Variants in LRMDA observed in about 807,000 individuals in gnomAD.
LRMDA encodes the protein leucine rich melanocyte differentiation associated.
LRMDA carries 18 observed loss-of-function variants against 29.8 expected under a neutral mutation model. The ratio of observed to expected loss-of-function variants is 0.60; its 90% CI spans 0.42 to 0.90. LRMDA has a LOEUF of 0.90. Among genes scored for constraint, LRMDA ranks in the 40% least tolerant of loss-of-function variants. The probability of loss-of-function intolerance (pLI) is 0.00; values close to 1 mark genes in which losing one functional copy is unlikely to be tolerated. For missense variants in LRMDA, 273 were observed against 273.9 expected, an observed-to-expected ratio of 1.00 and a Z score of 0.02; for synonymous variants, 125 against 109.4, an observed-to-expected ratio of 1.14 and a Z score of -0.89.
intron 2 of LRMDA, among the ~76,000 whole-genome samples, chr10:75,957,378 A>C (rs1384851173): frequency 1.3e-5 from 2 of 152,242 alleles, no homozygotes; most frequent in East Asian, 3.9e-4. Context: ...TCTTTGTTAC[A>C]GACAACAATG....
chr10:76,500,875 C>G lies in LRMDA; in HGVS notation c.602-56334C>G, dbSNP rs1413593829. 2.7e-5 allele frequency among the ~76,000 whole-genome samples: 2 copies of G among 73,416 alleles called. 1 individual carries two copies. The highest frequency in any genetic ancestry group is 9.0e-5 in the Non-Finnish European group (2 of 22,270). 48.2% of individuals were successfully genotyped at this position (73,416 alleles called of 152,430 possible). The stretch of plus-strand genomic sequence containing the variant: ...TTTTTTAAAAAAAAAATAAAAGTAA[C>G]TTCAACATTTATTTTAGATTCAGAG... On this transcript the variant is annotated intron_variant, in intron 6 of 6. Coordinates refer to ENST00000611255, the MANE Select transcript of LRMDA (RefSeq NM_001305581.2).
intron 2 of LRMDA, among the ~76,000 whole-genome samples, chr10:75,987,576 A>G: frequency 6.6e-6 from 1 of 152,212 alleles, no homozygotes; most frequent in East Asian, 1.9e-4. Flanking sequence ...ATCCTGTATT[A>G]TGGTTAGTGG....
intron 2 of LRMDA, among the ~76,000 whole-genome samples, chr10:75,765,737 G>A (rs1462753941): frequency 6.6e-6 from 1 of 152,014 alleles, no homozygotes; most frequent in Non-Finnish European, 1.5e-5. Flanking sequence ...AAGCTCACGT[G>A]CAGAATGAAA....
intron 2 of LRMDA, among the ~76,000 whole-genome samples, chr10:75,859,608 C>CACACACAT (rs1844885631): frequency 1.4e-5 from 2 of 142,926 alleles, no homozygotes; most frequent in African/African-American, 5.6e-5. Flanking sequence ...CATACACACA[C>CACACACAT]ACACACACAC....
At chr10:76,266,777 A>T (rs1840011035) in intron 5 of LRMDA, among the ~76,000 whole-genome samples, 1 of 152,164 alleles carries the variant, frequency 6.6e-6, no homozygotes, top group Non-Finnish European at 1.5e-5. Context: ...AGTTTTGAGA[A>T]ATGCCCTAGT....
chr10:76,389,080 TTATG>T (rs564923019), intron 6 of LRMDA, among the ~76,000 whole-genome samples: 179 of 152,106 alleles, frequency 1.2e-3, no homozygotes, highest in Non-Finnish European at 2.1e-3. Context: ...CTAAACTGAG[TTATG>T]AAGGATTAAC....
At chr10:75,828,574 CTGGAAGTTGCAAGGCATATATATT>C (rs1156662013) in intron 2 of LRMDA, among the ~76,000 whole-genome samples, 1 of 152,060 alleles carries the variant, frequency 6.6e-6, no homozygotes, top group East Asian at 1.9e-4. Context: ...CTTTTGTGGC[CTGGAAGTTGCAAGGCATATATATT>C]TGGAAGACTA....
rs918572783 is a variant in LRMDA, at chr10:75,516,174, T to C, written c.131+77680T>C. ...GTGCTGCAATAAACATATGTGTGCA[T>C]GTGTCTTTATAGTAGCATGATTTAT... On this transcript the variant is annotated intron_variant, in intron 2 of 6. Coordinates refer to ENST00000611255, the MANE Select transcript of LRMDA (RefSeq NM_001305581.2). Among the ~76,000 whole-genome samples, 20 of 152,244 alleles carry C rather than the reference T, an allele frequency of 1.3e-4. 1 individual carries two copies. Among genetic ancestry groups the C allele is most frequent in the Non-Finnish European group, 2.4e-4 (16 of 68,032 alleles).
intron 5 of LRMDA, among the ~76,000 whole-genome samples, chr10:76,190,835 G>T (rs1201019489): frequency 6.6e-6 from 1 of 152,208 alleles, no homozygotes; most frequent in African/African-American, 2.4e-5. Flanking sequence ...GGGATTGGTT[G>T]CCTGAAGGGA....
At chr10:75,803,064 C>T (rs1430395041) in intron 2 of LRMDA, among the ~76,000 whole-genome samples, 5 of 151,528 alleles carry the variant, frequency 3.3e-5, no homozygotes, top group Admixed American at 3.3e-4. Flanking sequence ...TGAGGACTAA[C>T]CAAATGTTCT....
chr10:76,066,474 C>T (rs1848787889), intron 5 of LRMDA, among the ~76,000 whole-genome samples: 1 of 151,882 alleles, frequency 6.6e-6, no homozygotes, highest in Non-Finnish European at 1.5e-5. Context: ...CTTTTTTTCC[C>T]CCGGGTCTTC....
At chr10:76,434,759 AT>A (rs1294901252) in intron 6 of LRMDA, among the ~76,000 whole-genome samples, 1 of 152,216 alleles carries the variant, frequency 6.6e-6, no homozygotes, top group African/African-American at 2.4e-5. Context: ...CCAGTGCTGG[AT>A]GGTAAGTGAT....
intron 2 of LRMDA, among the ~76,000 whole-genome samples, chr10:75,756,150 C>T (rs1454752960): frequency 6.6e-6 from 1 of 152,222 alleles, no homozygotes; most frequent in Non-Finnish European, 1.5e-5. Context: ...TATCCATTCT[C>T]TTCAACGTTT....
At chr10:76,038,345 T>C (rs1366964953) in intron 3 of LRMDA, among the ~76,000 whole-genome samples, 1 of 152,218 alleles carries the variant, frequency 6.6e-6, no homozygotes, top group Non-Finnish European at 1.5e-5. Flanking sequence ...TTTGGTTGAG[T>C]CCTTTCCCTA....
chr10:76,081,305 A>G (rs761968262), intron 5 of LRMDA, among the ~76,000 whole-genome samples: 1 of 152,114 alleles, frequency 6.6e-6, no homozygotes, highest in Non-Finnish European at 1.5e-5. Flanking sequence ...GCAAAATCCT[A>G]TCTATAAAAA....
chr10:76,271,307 C>T (rs1018396598), intron 5 of LRMDA, among the ~76,000 whole-genome samples: 3 of 152,004 alleles, frequency 2.0e-5, no homozygotes, highest in Non-Finnish European at 4.4e-5. Flanking sequence ...ACTTGGGAGG[C>T]TGAGGTGGGA....
chr10:76,100,170 GTAATAT>G, intron 5 of LRMDA, among the ~76,000 whole-genome samples: 2 of 152,258 alleles, frequency 1.3e-5, no homozygotes, highest in African/African-American at 4.8e-5. Flanking sequence ...TCATCATTAT[GTAATAT>G]TCTTCTTTAT....
intron 2 of LRMDA, among the ~76,000 whole-genome samples, chr10:75,475,123 C>A (rs868092267): frequency 6.6e-6 from 1 of 152,166 alleles, no homozygotes. Flanking sequence ...TGGGAGAGCA[C>A]TGGAGATGAG....
rs1316180349 is a variant in LRMDA at position 76,559,108 on chromosome 10, C to A, written c.*1820C>A. 6.6e-6 allele frequency: 1 copy of A among 152,188 alleles called. No homozygotes were observed. Among genetic ancestry groups the A allele is most frequent in the Non-Finnish European group, 1.5e-5 (1 of 68,034 alleles). 9.4% of individuals were successfully genotyped at this position (152,188 alleles called of 1,614,324 possible). A position where few individuals can be genotyped will look rare whatever the true frequency, so the allele number is the denominator to read the frequency against. ...TAATATGGGCAGCCAGAATTCTGTG[C>A]AAGGGCAGCTAGACGAGTCAGATGT... On this transcript the variant is annotated 3_prime_UTR_variant, in exon 7 of 7. Transcript: ENST00000611255.
Sources: allele counts gnomAD v4.1 joint callset (sites outside exome capture counted in the v4.1 genomes callset), GRCh38; gene constraint gnomAD v4.1.1; transcripts MANE v1.5; gene names NCBI Gene and HGNC (gene_info 2026-07-23, HGNC 2026-07-21).